Variants in SHISA6 observed in about 807,000 individuals in gnomAD.
SHISA6 encodes protein shisa-6.
A neutral mutation model predicts 47.9 loss-of-function variants in SHISA6; 22 were observed. The observed-to-expected ratio is 0.46, with a 90% CI of 0.33 to 0.66. SHISA6 has a LOEUF of 0.66. Ranked by LOEUF, SHISA6 falls within the 30% of genes least tolerant of loss-of-function variation. The pLI, the probability that SHISA6 is intolerant of heterozygous loss-of-function variation, is 0.02. For missense variants in SHISA6, 680 were observed against 764.6 expected, an observed-to-expected ratio of 0.89 and a Z score of 1.30; for synonymous variants, 388 against 337.8, an observed-to-expected ratio of 1.15 and a Z score of -1.63.
chr17:11,553,351 G>A (rs543479610), intron 4 of SHISA6, among the ~76,000 whole-genome samples: 12 of 152,130 alleles, frequency 7.9e-5, no homozygotes, highest in Non-Finnish European at 1.5e-4. Context: ...GAAAAGGCAC[G>A]CAAGGAGAGC....
chr17:11,444,668 C>G (rs1038477501), intron 3 of SHISA6, among the ~76,000 whole-genome samples: 1 of 152,184 alleles, frequency 6.6e-6, no homozygotes, highest in African/African-American at 2.4e-5. Flanking sequence ...CTGGATGGAG[C>G]TCCTTCTCAA....
At chr17:11,425,006 CAAA>C (rs34270452) in intron 3 of SHISA6, among the ~76,000 whole-genome samples, 22 of 70,058 alleles carry the variant, frequency 3.1e-4, no homozygotes, top group African/African-American at 8.0e-4. Flanking sequence ...TACTCCGTCT[CAAA>C]AAAAAAAAAA....
At chr17:11,354,154 A>G (rs1911998092) in intron 2 of SHISA6, among the ~76,000 whole-genome samples, 2 of 152,180 alleles carry the variant, frequency 1.3e-5, no homozygotes, top group African/African-American at 2.4e-5. Context: ...TGTTGGGGCA[A>G]AATCACTCCC....
intron 3 of SHISA6, among the ~76,000 whole-genome samples, chr17:11,499,814 G>C (rs2071437263): frequency 6.6e-6 from 1 of 151,406 alleles, no homozygotes; most frequent in Non-Finnish European, 1.5e-5. Context: ...TGATTCTCCT[G>C]CCTCAGCCTT....
At chr17:11,399,231 T>C (rs1349777125) in intron 3 of SHISA6, among the ~76,000 whole-genome samples, 1 of 152,096 alleles carries the variant, frequency 6.6e-6, no homozygotes. Flanking sequence ...TGAAATGAAA[T>C]CTGCCTTGTC....
intron 3 of SHISA6, among the ~76,000 whole-genome samples, chr17:11,513,878 T>C (rs1311820707): frequency 2.0e-5 from 3 of 152,182 alleles, no homozygotes; most frequent in African/African-American, 7.2e-5. Flanking sequence ...ATGAGAATTA[T>C]AACTGTCAGG....
chr17:11,349,258 G>A (rs1911793458), intron 2 of SHISA6, among the ~76,000 whole-genome samples: 1 of 152,146 alleles, frequency 6.6e-6, no homozygotes, highest in Non-Finnish European at 1.5e-5. Flanking sequence ...AAGAGGGCCT[G>A]ACCTCATCCC....
chr17:11,410,484 A>C (rs1199477295), intron 3 of SHISA6, among the ~76,000 whole-genome samples: 1 of 152,206 alleles, frequency 6.6e-6, no homozygotes, highest in Non-Finnish European at 1.5e-5. Context: ...TAGTATTTGA[A>C]TTCAGGTCCA....
intron 3 of SHISA6, among the ~76,000 whole-genome samples, chr17:11,417,658 T>C (rs1345972680): frequency 6.6e-6 from 1 of 152,218 alleles, no homozygotes; most frequent in African/African-American, 2.4e-5. Context: ...AAAACAAACA[T>C]AGAAGGCTGC....
chr17:11,400,408 T>G (rs1362773033), intron 3 of SHISA6, among the ~76,000 whole-genome samples: 1 of 152,258 alleles, frequency 6.6e-6, no homozygotes, highest in Non-Finnish European at 1.5e-5. Flanking sequence ...ACATAACTTC[T>G]GCTTCATTCT....
chr17:11,397,988 T>C (rs1479772827), intron 3 of SHISA6, among the ~76,000 whole-genome samples: 1 of 152,182 alleles, frequency 6.6e-6, no homozygotes, highest in African/African-American at 2.4e-5. Context: ...TCCTTTCTGC[T>C]GGTTGTTTTT....
intron 1 of SHISA6, among the ~76,000 whole-genome samples, chr17:11,251,573 A>G (rs934020666): frequency 5.3e-5 from 8 of 152,232 alleles, no homozygotes; most frequent in African/African-American, 7.2e-5. Flanking sequence ...TTCTAGTTTT[A>G]ATTACTGAGA....
intron 1 of SHISA6, among the ~76,000 whole-genome samples, chr17:11,242,699 G>A (rs1253432055): frequency 6.6e-6 from 1 of 152,136 alleles, no homozygotes; most frequent in Non-Finnish European, 1.5e-5. Context: ...AACCCTGTAG[G>A]CAGAACTCTG....
chr17:11,485,468 A>G (rs2142333753), intron 3 of SHISA6, among the ~76,000 whole-genome samples: 1 of 152,260 alleles, frequency 6.6e-6, no homozygotes, highest in Non-Finnish European at 1.5e-5. Context: ...TTAACTACCT[A>G]CAGTTGCTGC....
intron 2 of SHISA6, among the ~76,000 whole-genome samples, chr17:11,308,353 C>T (rs1910201258): frequency 6.6e-6 from 1 of 152,200 alleles, no homozygotes; most frequent in Admixed American, 6.5e-5. Flanking sequence ...ACACAAACAT[C>T]TGCCTCTGCC....
intron 3 of SHISA6, among the ~76,000 whole-genome samples, chr17:11,425,304 G>T (rs1914580929): frequency 6.6e-6 from 1 of 151,814 alleles, no homozygotes; most frequent in Admixed American, 6.6e-5. Flanking sequence ...CAATTTTAGT[G>T]GGAGGGGGTG....
Position 11,350,174 on chromosome 17 carries a change from A to T in SHISA6, c.800-29240A>T, listed in dbSNP as rs374189602. Among the ~76,000 whole-genome samples, 760 of 100,142 alleles carry T rather than the reference A, an allele frequency of 7.6e-3. 11 individuals are homozygous for T. Among genetic ancestry groups the T allele is most frequent in the African/African-American group, 0.019 (455 of 23,592 alleles). 65.7% of individuals were successfully genotyped at this position (100,142 alleles called of 152,430 possible). A position where few individuals can be genotyped will look rare whatever the true frequency, so the allele number is the denominator to read the frequency against. ...GCCCGGCTAATTTATTTATTTATTT[A>T]TTTATTTATTTTTTTTTTTTTTTGA... is the stretch of plus-strand genomic sequence containing the variant. On this transcript the variant is annotated intron_variant, in intron 2 of 5. Coordinates refer to ENST00000441885, the MANE Select transcript of SHISA6 (RefSeq NM_207386.4).
intron 3 of SHISA6, among the ~76,000 whole-genome samples, chr17:11,436,140 C>A (rs1381583472): frequency 6.6e-6 from 1 of 152,146 alleles, no homozygotes; most frequent in Non-Finnish European, 1.5e-5. Context: ...CCTCTTGGGT[C>A]TGGGCCCTCT....
At chr17:11,290,869 CT>C (rs1328851486) in intron 2 of SHISA6, 5 of 152,146 alleles carry the variant, frequency 3.3e-5, no homozygotes, top group Admixed American at 1.3e-4. Flanking sequence ...ACTTTCGTGT[CT>C]GCTTCAGGGG....
Sources: allele counts gnomAD v4.1 joint callset (sites outside exome capture counted in the v4.1 genomes callset), GRCh38; gene constraint gnomAD v4.1.1; transcripts MANE v1.5; gene names NCBI Gene and HGNC (gene_info 2026-07-23, HGNC 2026-07-21).